Variants in CNTNAP2 observed in about 807,000 individuals in gnomAD.
The protein encoded by CNTNAP2 is contactin-associated protein-like 2.
In CNTNAP2, 98 loss-of-function variants were observed where a neutral mutation model predicts 155.2. The ratio of observed to expected loss-of-function variants is 0.63; its 90% CI spans 0.54 to 0.75. The LOEUF is 0.75. CNTNAP2 is among the 30% of genes least tolerant of loss of function. The pLI, the probability that CNTNAP2 is intolerant of heterozygous loss-of-function variation, is 0.00. For synonymous variants in CNTNAP2, 651 were observed against 631.2 expected (o/e 1.03, Z -0.47); for missense variants, 1,727 against 1,688.1 (o/e 1.02, Z -0.40).
intron 13 of CNTNAP2, among the ~76,000 whole-genome samples, chr7:147,854,760 A>T (rs1799008316): frequency 6.6e-6 from 1 of 152,186 alleles, no homozygotes; most frequent in Non-Finnish European, 1.5e-5. Context: ...CACTATTGGA[A>T]GACTTTGAAG....
chr7:147,249,133 T>C (rs1804130157), intron 8 of CNTNAP2, among the ~76,000 whole-genome samples: 1 of 152,080 alleles, frequency 6.6e-6, no homozygotes, highest in African/African-American at 2.4e-5. Context: ...TTAAGAAAAA[T>C]ACTTAAGCAT....
chr7:147,118,440 T>A (rs1016584317), intron 5 of CNTNAP2, among the ~76,000 whole-genome samples: 2 of 152,184 alleles, frequency 1.3e-5, no homozygotes, highest in Non-Finnish European at 1.5e-5. Flanking sequence ...AACTTTTAAT[T>A]GTATGGGGAA....
Position 146,956,643 on chromosome 7 carries a change from G to T in CNTNAP2, c.403-87264G>T, listed in dbSNP as rs114814315. 1.4e-3 allele frequency among the ~76,000 whole-genome samples: 214 copies of T among 152,238 alleles called. 1 individual carries two copies. Among genetic ancestry groups the T allele is most frequent in the African/African-American group, 5.1e-3 (210 of 41,570 alleles). ...AATACTTAATGTATTTCCTACTCAG[G>T]ACAATTTCCAGCACTTTTCTTTTGG... On this transcript the variant is annotated intron_variant, in intron 3 of 23. Coordinates refer to ENST00000361727, the MANE Select transcript of CNTNAP2 (RefSeq NM_014141.6).
At chr7:146,444,114 C>A (rs1275073698) in intron 1 of CNTNAP2, among the ~76,000 whole-genome samples, 2 of 152,110 alleles carry the variant, frequency 1.3e-5, no homozygotes, top group East Asian at 3.9e-4. Flanking sequence ...CTCCCTGCAA[C>A]CTCCGCCTCC....
rs142906445 is a variant in CNTNAP2 at position 148,004,154 on chromosome 7, A to T, written c.2383+26165A>T. ...TAATAAGTATACAAAATCTTTCTGC[A>T]TGTAATGTGTATGCTATCAGCTTAA... On this transcript the variant is annotated intron_variant, in intron 15 of 23. Transcript: ENST00000361727. Among the ~76,000 whole-genome samples the T allele has an allele frequency of 3.3e-5, 5 of 152,330 alleles. No individual in the cohort carries two copies. The South Asian group carries it at 1.0e-3, about 32-fold the overall frequency.
chr7:147,046,072 T>C (rs1799350641), intron 4 of CNTNAP2, among the ~76,000 whole-genome samples: 1 of 152,122 alleles, frequency 6.6e-6, no homozygotes, highest in South Asian at 2.1e-4. Context: ...ATAAAAATAG[T>C]AAAAGTTAAA....
intron 1 of CNTNAP2, among the ~76,000 whole-genome samples, chr7:146,595,733 T>C (rs1169975912): frequency 1.3e-5 from 2 of 152,086 alleles, no homozygotes; most frequent in Non-Finnish European, 2.9e-5. Flanking sequence ...CCTAAGTATA[T>C]ATAATTTTCC....
intron 14 of CNTNAP2, among the ~76,000 whole-genome samples, chr7:147,930,712 A>T (rs989939403): frequency 2.0e-5 from 3 of 152,218 alleles, no homozygotes; most frequent in African/African-American, 7.2e-5. Flanking sequence ...GGACATACAC[A>T]GAACATCCCA....
intron 15 of CNTNAP2, among the ~76,000 whole-genome samples, chr7:148,070,454 A>G (rs988278850): frequency 1.3e-5 from 2 of 152,234 alleles, no homozygotes; most frequent in Non-Finnish European, 2.9e-5. Flanking sequence ...ACCGTGGCTC[A>G]TGCCTGTAAT....
In CNTNAP2 at chr7:147,002,390, G is replaced by A. The variant is rs143804479; in HGVS notation, c.403-41517G>A. Reference sequence around the variant, plus strand: ...AAATGGCTTTGGACTTTCCAACAGCGATACTGGAAGCTAGAAGATAATCCA... The same window carrying A: ...AAATGGCTTTGGACTTTCCAACAGCAATACTGGAAGCTAGAAGATAATCCA... On this transcript the variant is annotated intron_variant, in intron 3 of 23. Coordinates refer to ENST00000361727, the MANE Select transcript of CNTNAP2 (RefSeq NM_014141.6). Among the ~76,000 whole-genome samples, 843 of 152,120 alleles carry A rather than the reference G, an allele frequency of 5.5e-3. 6 individuals are homozygous for A. The highest frequency in any genetic ancestry group is 9.0e-3 in the Non-Finnish European group (609 of 67,988).
In CNTNAP2 at chr7:148,217,389, G is replaced by C; in HGVS notation, c.3112G>C (p.Asp1038His). 2 of 1,614,076 alleles carry C rather than the reference G, an allele frequency of 1.2e-6. No individual in the cohort carries two copies. Among genetic ancestry groups the C allele is most frequent in the Non-Finnish European group, 1.7e-6 (2 of 1,180,016 alleles). The change falls in exon 19 of 24, where the codon GAC becomes CAC. Residue 1038 changes from aspartate (D) to histidine (H), a missense_variant. Physicochemically the swap from Asp to His is moderately conservative, Grantham distance 81 (BLOSUM62 -1). Coordinates refer to ENST00000361727, the MANE Select transcript of CNTNAP2 (RefSeq NM_014141.6). ...CAGCAGCAGAGTAGACAACGCTCCC[G>C]ACCAGCAGAACTCCCACCCGGACCT... Reference protein sequence around the residue: ...DSSSRVDNAPDQQNSHPDLAQ... With the variant: ...DSSSRVDNAPHQQNSHPDLAQ...
intron 3 of CNTNAP2, among the ~76,000 whole-genome samples, chr7:146,927,397 T>C (rs1229129903): frequency 6.6e-6 from 1 of 152,176 alleles, no homozygotes; most frequent in African/African-American, 2.4e-5. Flanking sequence ...TAAGTAAATC[T>C]GATTTAAAAA....
At chr7:148,328,995 A>G (rs972891157) in intron 21 of CNTNAP2, among the ~76,000 whole-genome samples, 8 of 143,572 alleles carry the variant, frequency 5.6e-5, no homozygotes, top group Non-Finnish European at 9.1e-5. Context: ...AAAAAAAAAA[A>G]AAAAAGGCCC....
intron 20 of CNTNAP2, among the ~76,000 whole-genome samples, chr7:148,257,981 G>A (rs1796485783): frequency 6.6e-6 from 1 of 151,998 alleles, no homozygotes; most frequent in Non-Finnish European, 1.5e-5. Context: ...ACACGAACAT[G>A]GCTCAGCCAG....
intron 17 of CNTNAP2, among the ~76,000 whole-genome samples, chr7:148,169,111 A>G (rs1308728392): frequency 6.6e-6 from 1 of 152,260 alleles, no homozygotes; most frequent in Non-Finnish European, 1.5e-5. Context: ...TCATATTGTT[A>G]TTAATCAATA....
At chr7:148,072,922 T>G (rs1183807205) in intron 15 of CNTNAP2, among the ~76,000 whole-genome samples, 3 of 152,112 alleles carry the variant, frequency 2.0e-5, no homozygotes, top group Admixed American at 6.6e-5. Flanking sequence ...TGGCCAGGCT[T>G]GTCTCAGACT....
chr7:147,727,192 G>T (rs116078409), intron 13 of CNTNAP2, among the ~76,000 whole-genome samples: 1 of 152,050 alleles, frequency 6.6e-6, no homozygotes, highest in African/African-American at 2.4e-5. Flanking sequence ...TGGTGTGTAG[G>T]TAGGAACTGG....
rs1002463725 is a variant in CNTNAP2, at chr7:147,457,043, C to T, written c.1671-28892C>T. Reference sequence around the variant, plus strand: ...AAAAGTTACAAAGTAGTCAGGCCTTCGATATGAATTCAAAACTAACTGGAC... The same window carrying T: ...AAAAGTTACAAAGTAGTCAGGCCTTTGATATGAATTCAAAACTAACTGGAC... On this transcript the variant is annotated intron_variant, in intron 10 of 23. Transcript: ENST00000361727. Among the ~76,000 whole-genome samples, 8 of 152,070 alleles carry T rather than the reference C, an allele frequency of 5.3e-5. No individual in the cohort carries two copies. In the East Asian group the frequency reaches 7.7e-4, roughly 15 times the overall value.
chr7:148,310,082 C>T (rs77171668), intron 21 of CNTNAP2, among the ~76,000 whole-genome samples: 10 of 151,844 alleles, frequency 6.6e-5, no homozygotes, highest in African/African-American at 1.2e-4. Context: ...GGCCTGGATA[C>T]GATTTTGTAT....
Sources: gnomAD v4.1 joint callset for allele counts (sites outside exome capture counted in the v4.1 genomes callset) on GRCh38, gnomAD v4.1.1 for gene constraint, MANE v1.5 for transcripts, NCBI Gene and HGNC (gene_info 2026-07-23, HGNC 2026-07-21) for gene names.